Variants in HFM1 observed in about 807,000 individuals in gnomAD.
The protein encoded by HFM1 is helicase for meiosis 1.
In HFM1, 169 loss-of-function variants were observed where a neutral mutation model predicts 192.1. That is an observed-to-expected ratio of 0.88 (90% CI 0.78 to 1.00). The LOEUF is 1.00. HFM1 is among the 50% of genes least tolerant of loss of function. The pLI is 0.00. For missense variants in HFM1, 1,661 were observed against 1,668.0 expected (o/e 1.00, Z 0.07); for synonymous variants, 525 against 537.8 (o/e 0.98, Z 0.33).
At chr1:91,300,590 T>C (rs548288107) in intron 30 of HFM1, among the ~76,000 whole-genome samples, 1 of 152,250 alleles carries the variant, frequency 6.6e-6, no homozygotes, top group East Asian at 1.9e-4. Context: ...TCCACCATGA[T>C]CAAGTGGGCT....
chr1:91,327,742 T>G (rs1347654042), intron 20 of HFM1, among the ~76,000 whole-genome samples: 1 of 152,196 alleles, frequency 6.6e-6, no homozygotes, highest in African/African-American at 2.4e-5. Flanking sequence ...AAAACAGGTC[T>G]TAAAACAGTT....
At chr1:91,269,309 G>A (rs779025869) in intron 34 of HFM1, among the ~76,000 whole-genome samples, 18 of 152,070 alleles carry the variant, frequency 1.2e-4, no homozygotes, top group Non-Finnish European at 2.2e-4. Context: ...GAACAATTAG[G>A]AAGTGATGAG....
At chr1:91,399,990 C>T (rs1664110538) in intron 2 of HFM1, among the ~76,000 whole-genome samples, 1 of 152,190 alleles carries the variant, frequency 6.6e-6, no homozygotes, top group African/African-American at 2.4e-5. Flanking sequence ...GGTCCTATTA[C>T]TTATTAATGT....
chr1:91,283,664 A>G lies in HFM1; in HGVS notation c.3392-6602T>C, dbSNP rs149767081. On this transcript the variant is annotated intron_variant, in intron 30 of 38. Coordinates refer to ENST00000370425, the MANE Select transcript of HFM1 (RefSeq NM_001017975.6). Reference sequence around the variant, plus strand: ...TTTGCCACATATTGTATTAATTTACATGTTATAAAGTCTCTAGTTCCAAGC... The same window carrying G: ...TTTGCCACATATTGTATTAATTTACGTGTTATAAAGTCTCTAGTTCCAAGC... Among the ~76,000 whole-genome samples, 19 of 152,328 alleles carry G rather than the reference A, an allele frequency of 1.2e-4. No homozygotes were observed. In the East Asian group the frequency reaches 3.3e-3, roughly 26 times the overall value.
In HFM1 at chr1:91,378,179, T is replaced by G. The variant is rs752752940; in HGVS notation, c.1241A>C (p.His414Pro). 8.1e-6 allele frequency: 13 copies of G among 1,597,888 alleles called. No homozygotes were observed. The East Asian group carries it at 1.1e-4, about 14-fold the overall frequency. The stretch of plus-strand genomic sequence containing the variant: ...ACCACGATTTTCATCTTTTACAATA[T>G]GTACCTAAGCAGGAAATCAAGAAAA... ...LVRLFLIDEV[H>P]IVKDENRGPT... The change falls in exon 11 of 39, where the codon CAT becomes CCT. Residue 414 changes from histidine (H) to proline (P), a missense_variant. Coordinates refer to ENST00000370425, the MANE Select transcript of HFM1 (RefSeq NM_001017975.6).
intron 29 of HFM1, 140 bp from the exon 30 acceptor site, chr1:91,313,635 G>C: frequency 2.1e-6 from 1 of 477,762 alleles, no homozygotes; most frequent in Non-Finnish European, 3.5e-6. Context: ...ATGTTGAAAG[G>C]TTAAAAAATA....
intron 13 of HFM1, among the ~76,000 whole-genome samples, chr1:91,366,602 T>C (rs1172023568): frequency 2.0e-5 from 3 of 152,194 alleles, no homozygotes. Flanking sequence ...TGAAACCCCA[T>C]CTTTGTTTTA....
upstream of HFM1, among the ~76,000 whole-genome samples, chr1:91,406,960 C>G (rs1174708065): frequency 2.0e-5 from 3 of 152,186 alleles, no homozygotes; most frequent in East Asian, 5.8e-4. Context: ...ACAGCTGCAG[C>G]CAAGAATACA....
At chr1:91,383,139 A>C (rs934515691) in intron 6 of HFM1, among the ~76,000 whole-genome samples, 1 of 152,164 alleles carries the variant, frequency 6.6e-6, no homozygotes, top group African/African-American at 2.4e-5. Flanking sequence ...ACAATAAATC[A>C]GTGGACACAA....
chr1:91,298,764 G>A (rs183778049), intron 30 of HFM1, among the ~76,000 whole-genome samples: 1 of 152,152 alleles, frequency 6.6e-6, no homozygotes, highest in Non-Finnish European at 1.5e-5. Flanking sequence ...CACCAGGCCT[G>A]CCCTAAAAGA....
rs71087940 is a variant in HFM1, at chr1:91,264,361, A to ATTTT, written c.3974+1652_3974+1655dup. ...TTCCAAGGGATACCACAAATTTAGT[A>ATTTT]TTTTTTTTTTTTTTTTTTTTTTTTT... is the stretch of plus-strand genomic sequence containing the variant. On this transcript the variant is annotated intron_variant, in intron 36 of 38. Coordinates refer to ENST00000370425, the MANE Select transcript of HFM1 (RefSeq NM_001017975.6). Among the ~76,000 whole-genome samples, 519 of 57,078 alleles carry ATTTT rather than the reference A, an allele frequency of 9.1e-3. 105 individuals are homozygous for ATTTT. The highest frequency in any genetic ancestry group is 0.01 in the South Asian group (13 of 1,262). 37.4% of individuals were successfully genotyped at this position (57,078 alleles called of 152,430 possible).
rs1661184234 is a variant in HFM1, at chr1:91,378,491, A to T, written c.1159-11T>A. On this transcript the variant is annotated splice_polypyrimidine_tract_variant and intron_variant, in intron 9 of 38. Transcript: ENST00000370425. Reference sequence around the variant, plus strand: ...GCTATCCCATTTTTCCTAGAGAGAAAAAAAAGCATACAAGTAGTTTAATGT... The same window carrying T: ...GCTATCCCATTTTTCCTAGAGAGAATAAAAAGCATACAAGTAGTTTAATGT... The T allele has an allele frequency of 6.6e-7, 1 of 1,522,588 alleles. No individual in the cohort carries two copies. The highest frequency in any genetic ancestry group is 1.7e-5 in the Admixed American group (1 of 59,234). The allele number at this position is 1,522,588 out of a possible 1,614,324, so 94.3% of individuals were successfully genotyped here.
At chr1:91,289,679 G>A (rs1156914251) in intron 30 of HFM1, among the ~76,000 whole-genome samples, 1 of 152,140 alleles carries the variant, frequency 6.6e-6, no homozygotes, top group African/African-American at 2.4e-5. Flanking sequence ...GGCCAACACA[G>A]CGAAACCCCG....
Position 91,264,359 on chromosome 1 carries a change from G to GTTTTTTT in HFM1, c.3974+1657_3974+1658insAAAAAAA, listed in dbSNP as rs1466938761. ...AATTCCAAGGGATACCACAAATTTA[G>GTTTTTTT]TATTTTTTTTTTTTTTTTTTTTTTT... On this transcript the variant is annotated intron_variant, in intron 36 of 38. Transcript: ENST00000370425. Among the ~76,000 whole-genome samples the GTTTTTTT allele has an allele frequency of 8.3e-4, 45 of 54,064 alleles. 1 individual carries two copies. Among genetic ancestry groups the GTTTTTTT allele is most frequent in the Middle Eastern group, 8.3e-3 (1 of 120 alleles). The allele number at this position is 54,064 out of a possible 152,430, so 35.5% of individuals were successfully genotyped here. A position where few individuals can be genotyped will look rare whatever the true frequency, so the allele number is the denominator to read the frequency against.
At chr1:91,276,022 T>C (rs1197927460) in intron 32 of HFM1, among the ~76,000 whole-genome samples, 1 of 152,152 alleles carries the variant, frequency 6.6e-6, no homozygotes, top group Non-Finnish European at 1.5e-5. Context: ...GTAATCAAAC[T>C]CTAGACGTAC....
intron 20 of HFM1, among the ~76,000 whole-genome samples, chr1:91,330,659 C>T (rs1325259001): frequency 4.6e-5 from 7 of 151,098 alleles, no homozygotes; most frequent in East Asian, 3.9e-4. Context: ...TCTACTAGGA[C>T]GTTATTACCC....
chr1:91,320,287 A>G (rs2101268089), intron 23 of HFM1, among the ~76,000 whole-genome samples: 1 of 152,380 alleles, frequency 6.6e-6, no homozygotes, highest in Admixed American at 6.5e-5. Context: ...AATTGAAAGA[A>G]GTAATCAACT....
At chr1:91,313,233 TA>T in intron 30 of HFM1, 115 bp downstream of exon 30, 1 of 559,366 alleles carries the variant, frequency 1.8e-6, no homozygotes, top group Non-Finnish European at 3.1e-6. Context: ...CTATGAAGCT[TA>T]AATATCTTAT....
chr1:91,394,438 T>G, intron 3 of HFM1, 36 bp from the exon 4 acceptor site: 1 of 1,181,662 alleles, frequency 8.5e-7, no homozygotes, highest in South Asian at 1.5e-5. Flanking sequence ...TTACATGTTC[T>G]CCATTAAAGG....
Sources: gnomAD v4.1 joint callset for allele counts (sites outside exome capture counted in the v4.1 genomes callset) on GRCh38, gnomAD v4.1.1 for gene constraint, MANE v1.5 for transcripts, NCBI Gene and HGNC (gene_info 2026-07-23, HGNC 2026-07-21) for gene names.